Variants in ECE1 observed in about 807,000 individuals in gnomAD.
ECE1 encodes the protein endothelin-converting enzyme 1.
A neutral mutation model predicts 98.6 loss-of-function variants in ECE1; 35 were observed. The observed-to-expected ratio is 0.35, with a 90% confidence interval of 0.27 to 0.47. The LOEUF (loss-of-function observed/expected upper bound fraction) is 0.47. Among genes scored for constraint, ECE1 ranks in the 20% least tolerant of loss-of-function variants. ECE1 has a pLI of 1.00. For missense variants in ECE1, 814 were observed against 1,025.3 expected, an observed-to-expected ratio of 0.79 and a Z score of 2.81; for synonymous variants, 394 against 407.1, an observed-to-expected ratio of 0.97 and a Z score of 0.39.
chr1:21,271,079 G>A (rs1453142161), intron 4 of ECE1, among the ~76,000 whole-genome samples: 12 of 152,180 alleles, frequency 7.9e-5, no homozygotes, highest in Admixed American at 7.9e-4. Context: ...AGGCAGGCAG[G>A]GGGACATCTC....
At chr1:21,314,051 C>G (rs1638781790) in intron 1 of ECE1, among the ~76,000 whole-genome samples, 1 of 152,206 alleles carries the variant, frequency 6.6e-6, no homozygotes, top group Middle Eastern at 3.2e-3. Context: ...ACATCTTGAG[C>G]AATGACTTCA....
At chr1:21,231,689 C>T (rs1334924058) in intron 14 of ECE1, among the ~76,000 whole-genome samples, 5 of 152,224 alleles carry the variant, frequency 3.3e-5, no homozygotes, top group South Asian at 4.1e-4. Context: ...GGGTCTTGCT[C>T]TGTAGCCCAG....
chr1:21,316,456 T>C (rs1370243937), intron 1 of ECE1, among the ~76,000 whole-genome samples: 4 of 151,970 alleles, frequency 2.6e-5, no homozygotes, highest in Non-Finnish European at 5.9e-5. Context: ...TTTTTTTTAG[T>C]AGAGATGGGG....
chr1:21,275,805 C>G (rs766325093), intron 3 of ECE1, among the ~76,000 whole-genome samples: 1 of 152,108 alleles, frequency 6.6e-6, no homozygotes, highest in Non-Finnish European at 1.5e-5. Context: ...GCCCCCTCAT[C>G]TAAGGCCCCC....
chr1:21,292,171 T>TA (rs1006669539), upstream of ECE1, among the ~76,000 whole-genome samples: 22 of 150,914 alleles, frequency 1.5e-4, no homozygotes, highest in Admixed American at 4.0e-4. Context: ...ATAAATAAAA[T>TA]AAAAAAAAAT....
rs572545708 is a variant in ECE1 at position 21,226,823 on chromosome 1, T to G, written c.1849+336A>C. 2.9e-3 allele frequency among the ~76,000 whole-genome samples: 443 copies of G among 152,256 alleles called. 3 individuals carry two copies. The highest frequency in any genetic ancestry group is 0.01 in the African/African-American group (429 of 41,538). On this transcript the variant is annotated intron_variant, in intron 16 of 18. Transcript: ENST00000374893. The stretch of plus-strand genomic sequence containing the variant: ...TCACTGCAACCTCCGCCTCCCAGAT[T>G]CAAACGATTTTCCTGCCTCAGCCTC...
chr1:21,317,229 T>C (rs1041294446), intron 1 of ECE1, among the ~76,000 whole-genome samples: 5 of 152,196 alleles, frequency 3.3e-5, no homozygotes, highest in Non-Finnish European at 5.9e-5. Flanking sequence ...GAGCCAGCCC[T>C]GTGCTTTGCT....
intron 1 of ECE1, among the ~76,000 whole-genome samples, chr1:21,335,638 G>T (rs4654919): frequency 6.6e-6 from 1 of 152,140 alleles, no homozygotes; most frequent in African/African-American, 2.4e-5. Context: ...GGACAGAGTC[G>T]CAGTGAGGCT....
Position 21,290,224 on chromosome 1 carries a change from G to C in ECE1, c.52-68C>G. 7.0e-7 allele frequency: 1 copy of C among 1,431,830 alleles called. No individual in the cohort carries two copies. The highest frequency in any genetic ancestry group is 9.2e-7 in the Non-Finnish European group (1 of 1,087,388). The allele number at this position is 1,431,830 out of a possible 1,614,324, so 88.7% of individuals were successfully genotyped here. On this transcript the variant is annotated intron_variant, in intron 1 of 18. Coordinates refer to ENST00000374893, the MANE Select transcript of ECE1 (RefSeq NM_001397.3). This position sits in a 1 kb window ranked among gnomAD's most constrained non-coding sequence, Gnocchi z 7.3. ...GGCTCTCGCGCCCGAATGGGGAAGC[G>C]GCCCCGACCCTGGCGCCGCCGCCGC...
intron 3 of ECE1, among the ~76,000 whole-genome samples, chr1:21,277,769 A>T (rs552923390): frequency 6.6e-6 from 1 of 152,246 alleles, no homozygotes; most frequent in African/African-American, 2.4e-5. Flanking sequence ...GTCATTAATT[A>T]GTCAAATATG....
intron 5 of ECE1, among the ~76,000 whole-genome samples, chr1:21,259,585 G>A (rs1160831641): frequency 3.3e-5 from 5 of 152,114 alleles, no homozygotes; most frequent in Non-Finnish European, 7.4e-5. Flanking sequence ...CATGGGACCT[G>A]TCCAGAGAGG....
intron 1 of ECE1, among the ~76,000 whole-genome samples, chr1:21,331,627 A>T (rs1025683338): frequency 1.3e-5 from 2 of 152,018 alleles, no homozygotes; most frequent in African/African-American, 4.8e-5. Flanking sequence ...CTCTGTAGCC[A>T]AAACTGCCCA....
At chr1:21,292,310 A>ACCCCCC (rs1558418622), upstream of ECE1, among the ~76,000 whole-genome samples, 1 of 149,144 alleles carries the variant, frequency 6.7e-6, no homozygotes, top group African/African-American at 2.5e-5. Flanking sequence ...CCCCTCCCCC[A>ACCCCCC]CCAACCTCCT....
rs371077925 is a variant in ECE1 at position 21,301,354 on chromosome 1, C to T, written c.4-11198G>A. ...CTAAAAATACAAAAAATTAGCTTGG[C>T]GAGGTGGCGGGCGCCTGTAGTCCCA... On this transcript the variant is annotated intron_variant, in intron 1 of 18. Transcript: ENST00000415912. Among the ~76,000 whole-genome samples, 20 of 152,080 alleles carry T rather than the reference C, an allele frequency of 1.3e-4. No homozygotes were observed. In the East Asian group the frequency reaches 3.7e-3, roughly 28 times the overall value.
rs1040669399 is a variant in ECE1 at position 21,225,630 on chromosome 1, A to G, written c.1850-190T>C. Among the ~76,000 whole-genome samples, 13 of 151,696 alleles carry G rather than the reference A, an allele frequency of 8.6e-5. No individual in the cohort carries two copies. Among genetic ancestry groups the G allele is most frequent in the Non-Finnish European group, 1.3e-4 (9 of 67,982 alleles). On this transcript the variant is annotated intron_variant, in intron 16 of 18. Coordinates refer to ENST00000374893, the MANE Select transcript of ECE1 (RefSeq NM_001397.3). The surrounding 1 kb of genome is among the most constrained non-coding windows in gnomAD (Gnocchi z 5.3). ...GCCAGTCAGAGGCGGGAGAGGATGA[A>G]GGAGAGAAATCGGGAAAAGCTCCAG...
intron 1 of ECE1, chr1:21,298,797 TC>T (rs1163337354): frequency 2.2e-6 from 1 of 456,076 alleles, no homozygotes; most frequent in African/African-American, 2.0e-5. Context: ...ACCACCTCCT[TC>T]TAACCCACCC....
chr1:21,268,014 A>G (rs1181906089), intron 4 of ECE1, among the ~76,000 whole-genome samples: 1 of 152,186 alleles, frequency 6.6e-6, no homozygotes. Context: ...TGTCACAATG[A>G]GCACGCATTG....
rs3026861 is a variant in ECE1 at position 21,278,174 on chromosome 1, T to A, written c.280+1017A>T. On this transcript the variant is annotated intron_variant, in intron 3 of 18. Transcript: ENST00000374893. Reference sequence around the variant, plus strand: ...GGTGAACCATCTGCCATCAGAAGAATAGATGTTGGGGCACAGGGGACTGAG... The same window carrying A: ...GGTGAACCATCTGCCATCAGAAGAAAAGATGTTGGGGCACAGGGGACTGAG... Among the ~76,000 whole-genome samples, 19 of 152,336 alleles carry A rather than the reference T, an allele frequency of 1.2e-4. No homozygotes were observed. In the East Asian group the frequency reaches 3.1e-3, roughly 25 times the overall value.
intron 4 of ECE1, among the ~76,000 whole-genome samples, chr1:21,262,590 G>A (rs2098228473): frequency 6.6e-6 from 1 of 152,202 alleles, no homozygotes; most frequent in South Asian, 2.1e-4. Context: ...CCATGAGTGA[G>A]CCTGGCATCT....
Sources: gnomAD v4.1 joint callset for allele counts (sites outside exome capture counted in the v4.1 genomes callset) on GRCh38, gnomAD v4.1.1 for gene constraint, Gnocchi (gnomAD v3.1) non-coding constraint, MANE v1.5 for transcripts, NCBI Gene and HGNC (gene_info 2026-07-23, HGNC 2026-07-21) for gene names.